PDHX: variants seen among roughly 807,000 people sequenced by gnomAD.
PDHX encodes pyruvate dehydrogenase complex component X.
A neutral mutation model predicts 55.3 loss-of-function variants in PDHX; 33 were observed. That is an observed-to-expected ratio of 0.60 (90% CI 0.45 to 0.80). PDHX has a LOEUF of 0.80. Ranked by LOEUF, PDHX falls within the 30% of genes least tolerant of loss-of-function variation. The probability of loss-of-function intolerance (pLI) is 0.00; values close to 1 mark genes in which losing one functional copy is unlikely to be tolerated. For missense variants in PDHX, 622 were observed against 619.9 expected (o/e 1.00, Z -0.04); for synonymous variants, 226 against 219.4 (o/e 1.03, Z -0.27).
chr11:34,972,468 G>A (rs954976959), intron 7 of PDHX, among the ~76,000 whole-genome samples: 6 of 151,334 alleles, frequency 4.0e-5, no homozygotes, highest in Non-Finnish European at 7.4e-5. Flanking sequence ...TGCGATCTCG[G>A]TTCACTTCAA....
intron 3 of PDHX, among the ~76,000 whole-genome samples, chr11:34,953,826 A>T (rs533852593): frequency 4.6e-5 from 7 of 152,352 alleles, no homozygotes; most frequent in African/African-American, 1.4e-4. Flanking sequence ...AATGGGAATA[A>T]TGATAGTATT....
chr11:34,961,777 C>T (rs1464931798), intron 5 of PDHX, among the ~76,000 whole-genome samples: 2 of 151,692 alleles, frequency 1.3e-5, no homozygotes. Flanking sequence ...CTGTGAAGTT[C>T]GTGCCACACT....
In PDHX at chr11:34,947,657, A is replaced by G; in HGVS notation, c.342+51A>G. ...AACAGGATGAAGATTTCTTGAGTGG[A>G]AAGTTCATTGTAGTAAAATTACCTT... On this transcript the variant is annotated intron_variant, in intron 3 of 10. Transcript: ENST00000227868. 4 of 1,206,962 alleles carry G rather than the reference A, an allele frequency of 3.3e-6. 1 individual carries two copies. In the South Asian group the frequency reaches 4.8e-5, roughly 14 times the overall value. 74.8% of individuals were successfully genotyped at this position (1,206,962 alleles called of 1,614,324 possible).
intron 2 of PDHX, among the ~76,000 whole-genome samples, chr11:34,935,976 G>A (rs745754170): frequency 6.6e-6 from 1 of 152,298 alleles, no homozygotes; most frequent in African/African-American, 2.4e-5. Context: ...TAGGCAGTGG[G>A]CAGGACACCA....
At chr11:34,991,118 A>AT (rs146960034) in intron 9 of PDHX, among the ~76,000 whole-genome samples, 7,182 of 152,294 alleles carry the variant, frequency 0.047, 535 homozygotes, top group African/African-American at 0.16. Context: ...TGAGAGGAAA[A>AT]TTTAACTAAT....
chr11:34,980,352 C>T (rs796595148), intron 8 of PDHX, among the ~76,000 whole-genome samples: 1,661 of 74,328 alleles, frequency 0.022, 32 homozygotes, highest in Middle Eastern at 0.035. Flanking sequence ...AAGATAGTTT[C>T]TTTTTTTTTT....
At position 34,952,774 on chromosome 11, in the gene PDHX, C is replaced by T. The variant is rs1016558629; in HGVS notation, c.343-4610C>T. On this transcript the variant is annotated intron_variant, in intron 3 of 10. Coordinates refer to ENST00000227868, the MANE Select transcript of PDHX (RefSeq NM_003477.3). Reference sequence around the variant, plus strand: ...AAACTGGAAGCATTCCCTTTGAAAACGGGCACAAGACAGGGATGCCCTCTC... The same window carrying T: ...AAACTGGAAGCATTCCCTTTGAAAATGGGCACAAGACAGGGATGCCCTCTC... Among the ~76,000 whole-genome samples, 23 of 148,538 alleles carry T rather than the reference C, an allele frequency of 1.5e-4. No individual in the cohort carries two copies. In the East Asian group the frequency reaches 2.3e-3, roughly 15 times the overall value.
chr11:34,975,255 TTC>T (rs1219259242), intron 7 of PDHX, among the ~76,000 whole-genome samples: 1 of 152,114 alleles, frequency 6.6e-6, no homozygotes, highest in East Asian at 1.9e-4. Flanking sequence ...CTGTTTGGGT[TTC>T]TCTCAGCTTC....
intron 9 of PDHX, 57 bp from the exon 10 acceptor site, chr11:34,992,258 C>A: frequency 1.0e-6 from 1 of 968,358 alleles, no homozygotes; most frequent in Non-Finnish European, 1.7e-6. Flanking sequence ...TTTCAAGTGA[C>A]AAGATCAACT....
upstream of PDHX, chr11:34,916,450 G>C: frequency 6.8e-7 from 1 of 1,468,402 alleles, no homozygotes; most frequent in Non-Finnish European, 9.0e-7. Flanking sequence ...GGCCCCGCCG[G>C]CTGAGATATC....
intron 1 of PDHX, among the ~76,000 whole-genome samples, chr11:34,923,846 A>G (rs1565147399): frequency 6.6e-6 from 1 of 152,234 alleles, no homozygotes. Flanking sequence ...AGTGAATAGT[A>G]TGAGCACTGA....
chr11:34,957,420 C>A lies in PDHX; in HGVS notation c.379C>A (p.Leu127Ile). ...AAGTAAAAATATACGGCTAGGTTCA[C>A]TAATTGGTTTGATAGTAGAAGAAGG... ...EGSKNIRLGS[L>I]IGLIVEEGED... The change falls in exon 4 of 11, where the codon CTA becomes ATA. Residue 127 changes from leucine to isoleucine, a missense_variant. Physicochemically the swap from Leu to Ile is conservative, Grantham distance 5 (BLOSUM62 2). Coordinates refer to ENST00000227868, the MANE Select transcript of PDHX (RefSeq NM_003477.3). 1 of 1,612,722 alleles carries A rather than the reference C, an allele frequency of 6.2e-7. No individual in the cohort carries two copies. The highest frequency in any genetic ancestry group is 8.5e-7 in the Non-Finnish European group (1 of 1,178,824).
At chr11:34,930,642 G>GT (rs1456374048) in intron 1 of PDHX, among the ~76,000 whole-genome samples, 3 of 152,044 alleles carry the variant, frequency 2.0e-5, no homozygotes, top group Non-Finnish European at 4.4e-5. Context: ...GCTCTTGAAT[G>GT]TAACCCTGGA....
chr11:34,985,409 C>G (rs1357625317), intron 9 of PDHX, among the ~76,000 whole-genome samples: 1 of 152,148 alleles, frequency 6.6e-6, no homozygotes, highest in Non-Finnish European at 1.5e-5. Flanking sequence ...CCACCGTACT[C>G]CAGCCTGGCA....
intron 2 of PDHX, among the ~76,000 whole-genome samples, chr11:34,944,757 AT>A (rs986922091): frequency 5.9e-5 from 9 of 151,954 alleles, no homozygotes; most frequent in African/African-American, 1.9e-4. Flanking sequence ...TATGTTACAT[AT>A]TTTTTATCCC....
intron 9 of PDHX, among the ~76,000 whole-genome samples, chr11:34,990,708 CT>C (rs1855737953): frequency 6.6e-6 from 1 of 152,172 alleles, no homozygotes; most frequent in Non-Finnish European, 1.5e-5. Flanking sequence ...CAAAATTCAT[CT>C]CATTTTTTAC....
intron 2 of PDHX, among the ~76,000 whole-genome samples, chr11:34,946,688 T>G (rs769038138): frequency 6.6e-6 from 1 of 152,222 alleles, no homozygotes; most frequent in Non-Finnish European, 1.5e-5. Flanking sequence ...CCATGGTTGC[T>G]GATTAAAATC....
At chr11:34,967,530 T>G (rs995514346) in intron 6 of PDHX, among the ~76,000 whole-genome samples, 3 of 152,232 alleles carry the variant, frequency 2.0e-5, no homozygotes, top group Admixed American at 1.3e-4. Flanking sequence ...ATAATCTCAC[T>G]ATGAAGAACT....
At chr11:34,991,504 T>A (rs1399292467) in intron 9 of PDHX, among the ~76,000 whole-genome samples, 1 of 152,140 alleles carries the variant, frequency 6.6e-6, no homozygotes. Flanking sequence ...AACCATTGTG[T>A]GGGGTTGAGA....
Sources: allele counts gnomAD v4.1 joint callset (sites outside exome capture counted in the v4.1 genomes callset), GRCh38; gene constraint gnomAD v4.1.1; transcripts MANE v1.5; gene names NCBI Gene and HGNC (gene_info 2026-07-23, HGNC 2026-07-21).